The following GOLIM4 variants were observed in gnomAD, a reference collection of about 807,000 sequenced individuals.
GOLIM4 encodes the protein 130 kDa golgi-localized phosphoprotein.
In GOLIM4, 71 loss-of-function variants were observed where a neutral mutation model predicts 107.4. The observed-to-expected ratio is 0.66, with a 90% CI of 0.55 to 0.81. The LOEUF is 0.81. GOLIM4 is among the 30% of genes least tolerant of loss of function. GOLIM4 has a pLI of 0.00. For missense variants in GOLIM4, 830 were observed against 826.1 expected (o/e 1.00, Z -0.06); for synonymous variants, 327 against 294.8 (o/e 1.11, Z -1.12).
intron 12 of GOLIM4, 103 bp downstream of exon 12, chr3:168,027,625 A>G (rs1718067037): frequency 1.3e-6 from 1 of 742,168 alleles, no homozygotes; most frequent in Non-Finnish European, 2.4e-6. Context: ...CTGAGGATAT[A>G]ACAGAAATAT....
intron 1 of GOLIM4, among the ~76,000 whole-genome samples, chr3:168,077,436 G>A (rs535606216): frequency 2.0e-5 from 3 of 152,124 alleles, no homozygotes; most frequent in Admixed American, 2.0e-4. Context: ...TTGTAAAATG[G>A]AGGCATGTGG....
intron 1 of GOLIM4, among the ~76,000 whole-genome samples, chr3:168,091,841 A>C (rs67748432): frequency 0.12 from 18,185 of 152,258 alleles, 1,313 homozygotes; most frequent in African/African-American, 0.2. Flanking sequence ...TAGAACTAGA[A>C]CTGAATTACA....
At chr3:168,040,765 A>C in intron 7 of GOLIM4, 21 bp downstream of exon 7, 1 of 1,527,790 alleles carries the variant, frequency 6.5e-7, no homozygotes, top group Non-Finnish European at 9.0e-7. Context: ...AAGAACCCAC[A>C]GAGGCTGCTA....
intron 1 of GOLIM4, among the ~76,000 whole-genome samples, chr3:168,081,590 G>A (rs372995096): frequency 1.4e-4 from 21 of 152,140 alleles, no homozygotes; most frequent in African/African-American, 2.4e-4. Context: ...GTAAGAGCCC[G>A]GAGTTAGGAT....
intron 1 of GOLIM4, among the ~76,000 whole-genome samples, chr3:168,078,451 A>G (rs1264874506): frequency 6.6e-6 from 1 of 152,210 alleles, no homozygotes; most frequent in Non-Finnish European, 1.5e-5. Flanking sequence ...ATGAGTCACT[A>G]TATGTAATTC....
At chr3:168,013,572 A>G (rs1717187550) in intron 14 of GOLIM4, among the ~76,000 whole-genome samples, 1 of 144,126 alleles carries the variant, frequency 6.9e-6, no homozygotes, top group South Asian at 2.1e-4. Flanking sequence ...TCCACCCCAA[A>G]TCAACAGAAT....
chr3:168,043,461 G>A lies in GOLIM4; in HGVS notation c.435C>T (p.Asp145=), dbSNP rs1343993416. 1 of 1,613,016 alleles carries A rather than the reference G, an allele frequency of 6.2e-7. No individual in the cohort carries two copies. The highest frequency in any genetic ancestry group is 8.5e-7 in the Non-Finnish European group (1 of 1,179,140). ...TATGGTCATTAAATGTTCTACTGAA[G>A]TCTTCCCCTTGTTTGCGATGTTCCT... ...LEEEHRKQGE[D]FSRTFNDHKQ... Residue 145 remains aspartate (D), a synonymous_variant, in exon 5 of 16, where the codon GAC becomes GAT. Coordinates refer to ENST00000470487, the MANE Select transcript of GOLIM4 (RefSeq NM_014498.5).
intron 1 of GOLIM4, among the ~76,000 whole-genome samples, chr3:168,058,895 C>CTAGGAA (rs1046414833): frequency 3.1e-4 from 47 of 152,102 alleles, no homozygotes; most frequent in African/African-American, 1.1e-3. Context: ...CTGTATAGTA[C>CTAGGAA]TATTCCTCTT....
At chr3:168,059,010 C>T (rs1436029718) in intron 1 of GOLIM4, among the ~76,000 whole-genome samples, 1 of 152,070 alleles carries the variant, frequency 6.6e-6, no homozygotes, top group Non-Finnish European at 1.5e-5. Flanking sequence ...GGGGTTGTTT[C>T]TTGCTCCCAA....
At chr3:168,057,834 T>C (rs189438726) in intron 1 of GOLIM4, among the ~76,000 whole-genome samples, 128 of 152,288 alleles carry the variant, frequency 8.4e-4, no homozygotes, top group African/African-American at 3.0e-3. Flanking sequence ...GTTCCTAATA[T>C]CTAGTGATAT....
At chr3:168,062,691 GAGTAATTTTGCAGGA>G in intron 1 of GOLIM4, among the ~76,000 whole-genome samples, 1 of 152,134 alleles carries the variant, frequency 6.6e-6, no homozygotes, top group East Asian at 1.9e-4. Flanking sequence ...CTTCTCTGAG[GAGTAATTTTGCAGGA>G]AAAGGGGAAC....
intron 1 of GOLIM4, among the ~76,000 whole-genome samples, chr3:168,061,393 T>C (rs1388178364): frequency 6.6e-6 from 1 of 152,198 alleles, no homozygotes; most frequent in Non-Finnish European, 1.5e-5. Flanking sequence ...GGTACAACCA[T>C]TTTAGAAAAC....
At chr3:168,046,312 TA>T (rs1322966876) in intron 3 of GOLIM4, among the ~76,000 whole-genome samples, 2 of 152,112 alleles carry the variant, frequency 1.3e-5, no homozygotes, top group African/African-American at 2.4e-5. Context: ...ATTTAATTTT[TA>T]TTTTTTTATT....
chr3:168,010,687 A>T, intron 15 of GOLIM4, 56 bp downstream of exon 15: 1 of 1,232,264 alleles, frequency 8.1e-7, no homozygotes, highest in Non-Finnish European at 1.2e-6. Context: ...TCTCCTATAC[A>T]CATGCACACC....
Position 168,093,779 on chromosome 3 carries a change from G to A in GOLIM4, c.187+1320C>T, listed in dbSNP as rs114922451. On this transcript the variant is annotated intron_variant, in intron 1 of 15. Transcript: ENST00000470487. ...TATTTTCATTGCCTGTGGCTATGCA[G>A]CGTCAGTAAGCTAAAAATACTTTTC... Among the ~76,000 whole-genome samples the A allele has an allele frequency of 3.0e-3, 455 of 152,300 alleles. 2 individuals carry two copies. Among genetic ancestry groups the A allele is most frequent in the African/African-American group, 0.011 (446 of 41,552 alleles).
Position 168,024,923 on chromosome 3 carries a change from C to T in GOLIM4, c.1791+5G>A. 1 of 1,612,226 alleles carries T rather than the reference C, an allele frequency of 6.2e-7. No homozygotes were observed. Among genetic ancestry groups the T allele is most frequent in the Non-Finnish European group, 8.5e-7 (1 of 1,178,464 alleles). ...AATCCACCCTTCCTCGTGGCATCTG[C>T]TTACCACCAAATGTTCCTCCACTTC... On this transcript the variant is annotated splice_donor_5th_base_variant and intron_variant, in intron 13 of 15. Transcript: ENST00000470487.
intron 1 of GOLIM4, among the ~76,000 whole-genome samples, chr3:168,093,061 C>T (rs1721988851): frequency 6.6e-6 from 1 of 152,038 alleles, no homozygotes. Flanking sequence ...TTACCATTTA[C>T]CACCTCTCTT....
intron 1 of GOLIM4, among the ~76,000 whole-genome samples, chr3:168,089,769 CTT>C (rs558179583): frequency 2.0e-4 from 27 of 137,852 alleles, no homozygotes; most frequent in East Asian, 4.1e-4. Context: ...ATGTTTCTCT[CTT>C]TTTTTTTTTT....
chr3:168,029,721 T>C, intron 10 of GOLIM4, 59 bp downstream of exon 10: 1 of 1,581,024 alleles, frequency 6.3e-7, no homozygotes, highest in Non-Finnish European at 8.6e-7. Flanking sequence ...CTGTTTTTAA[T>C]TTGCGTATGA....
Sources: allele counts gnomAD v4.1 joint callset (sites outside exome capture counted in the v4.1 genomes callset), GRCh38; gene constraint gnomAD v4.1.1; transcripts MANE v1.5; gene names NCBI Gene and HGNC (gene_info 2026-07-23, HGNC 2026-07-21).